CHERP: variants seen among roughly 807,000 people sequenced by gnomAD.
The protein encoded by CHERP is ERPROT 213-21.
CHERP carries 8 observed loss-of-function variants against 113.8 expected under a neutral mutation model. That is an observed-to-expected ratio of 0.07 (90% CI 0.04 to 0.13). The LOEUF (loss-of-function observed/expected upper bound fraction) is 0.13. Ranked by LOEUF, CHERP falls within the 10% of genes least tolerant of loss-of-function variation. CHERP has a pLI of 1.00. For synonymous variants in CHERP, 559 were observed against 524.5 expected (o/e 1.07, Z -0.90); for missense variants, 884 against 1,298.2 (o/e 0.68, Z 4.90).
At chr19:16,540,716 G>C (rs1405791550) in intron 2 of CHERP, among the ~76,000 whole-genome samples, 1 of 120,570 alleles carries the variant, frequency 8.3e-6, no homozygotes, top group Non-Finnish European at 1.7e-5. Flanking sequence ...TTTTTTTTTT[G>C]AGATGGAGTC....
At chr19:16,542,245 C>T (rs1209140101) in intron 1 of CHERP, 109 bp downstream of exon 1, 28 of 1,152,836 alleles carry the variant, frequency 2.4e-5, no homozygotes, top group Admixed American at 3.9e-5. Context: ...GGCGAAGCCG[C>T]GAGGCCGAGC....
chr19:16,525,643 C>T lies in CHERP; in HGVS notation c.1340G>A (p.Gly447Asp). 1 of 1,526,038 alleles carries T rather than the reference C, an allele frequency of 6.6e-7. No homozygotes were observed. 94.5% of individuals were successfully genotyped at this position (1,526,038 alleles called of 1,614,324 possible). A position where few individuals can be genotyped will look rare whatever the true frequency, so the allele number is the denominator to read the frequency against. ...CCAGGGGGGGCAGTGGGGTGGGCCG[C>T]CCTGGTGGTGCGGGTAGGGTGGCTG... ...PEQPPYPHHQGGPPHCPPWNN... is the reference protein window; with the variant it reads ...PEQPPYPHHQDGPPHCPPWNN... The change falls in exon 10 of 17, where the codon GGC (glycine) becomes GAC (aspartate). Residue 447 changes from glycine to aspartate, a missense_variant. This residue lies in a region of CHERP where 464 missense variants were observed against 590.1 expected (regional missense o/e 0.79). Coordinates refer to ENST00000546361, the MANE Select transcript of CHERP (RefSeq NM_006387.6). This position sits in a 1 kb window ranked among gnomAD's most constrained non-coding sequence, Gnocchi z 6.5.
In CHERP at chr19:16,533,282, C is replaced by CT. The variant is rs2085719589; in HGVS notation, c.385-135dup. The CT allele has an allele frequency of 1.1e-5, 9 of 806,860 alleles. No individual in the cohort carries two copies. In the South Asian group the frequency reaches 1.4e-4, roughly 13 times the overall value. The allele number at this position is 806,860 out of a possible 1,614,324, so 50.0% of individuals were successfully genotyped here. A position where few individuals can be genotyped will look rare whatever the true frequency, so the allele number is the denominator to read the frequency against. ...GACTCTGGGCTGCTCTGGCCATCAG[C>CT]TCCCTTGCTTGTCCCCAGCAGGAGG... On this transcript the variant is annotated intron_variant, in intron 3 of 16. Transcript: ENST00000546361.
In CHERP at chr19:16,525,690, G is replaced by A; in HGVS notation, c.1306-13C>T. 1.3e-6 allele frequency: 2 copies of A among 1,500,088 alleles called. No individual in the cohort carries two copies. Among genetic ancestry groups the A allele is most frequent in the South Asian group, 1.3e-5 (1 of 78,980 alleles). The allele number at this position is 1,500,088 out of a possible 1,614,324, so 92.9% of individuals were successfully genotyped here. ...GCTGCTCTGGCGGCTGCAAGGGAAGGGACAGGCTTGAGCCCTGCGTGGTCT... is the reference window on the plus strand; with the variant it reads ...GCTGCTCTGGCGGCTGCAAGGGAAGAGACAGGCTTGAGCCCTGCGTGGTCT... On this transcript the variant is annotated splice_polypyrimidine_tract_variant and intron_variant, in intron 9 of 16. Transcript: ENST00000546361. This position sits in a 1 kb window ranked among gnomAD's most constrained non-coding sequence, Gnocchi z 6.5.
In CHERP at chr19:16,530,001, C is replaced by G. The variant is rs2085687915; in HGVS notation, c.877-101G>C. ...TGGAAAGCAGCAGAGCCTGGGGGAC[C>G]TGGGGCAGGTGGACAGGGAACCGTC... On this transcript the variant is annotated intron_variant, in intron 7 of 16. Coordinates refer to ENST00000546361, the MANE Select transcript of CHERP (RefSeq NM_006387.6). This position sits in a 1 kb window ranked among gnomAD's most constrained non-coding sequence, Gnocchi z 4.1. The G allele has an allele frequency of 6.9e-7, 1 of 1,458,930 alleles. No individual in the cohort carries two copies. The highest frequency in any genetic ancestry group is 9.2e-7 in the Non-Finnish European group (1 of 1,090,418). The allele number at this position is 1,458,930 out of a possible 1,614,324, so 90.4% of individuals were successfully genotyped here. A position where few individuals can be genotyped will look rare whatever the true frequency, so the allele number is the denominator to read the frequency against.
chr19:16,519,490 G>T lies in CHERP; in HGVS notation c.2557+131C>A. 3 of 1,254,944 alleles carry T rather than the reference G, an allele frequency of 2.4e-6. No homozygotes were observed. Among genetic ancestry groups the T allele is most frequent in the Non-Finnish European group, 3.4e-6 (3 of 875,276 alleles). The allele number at this position is 1,254,944 out of a possible 1,614,324, so 77.7% of individuals were successfully genotyped here. ...CCCGCAGGCCGGCCCTGTCTAGAGG[G>T]TCTGGGTGGAGTCAGAACCGGCCTG... On this transcript the variant is annotated intron_variant, in intron 16 of 16. Transcript: ENST00000546361. The surrounding 1 kb of genome is among the most constrained non-coding windows in gnomAD (Gnocchi z 6.0).
Position 16,523,338 on chromosome 19 carries a change from C to T in CHERP, c.1742-48G>A. The T allele has an allele frequency of 1.3e-6, 2 of 1,596,452 alleles. No individual in the cohort carries two copies. The highest frequency in any genetic ancestry group is 1.7e-6 in the Non-Finnish European group (2 of 1,173,784). ...AGGACCACAGGCCAGTCAGGATCTC[C>T]CAGGCGACAAGTGCTGGAGGGGAGG... On this transcript the variant is annotated intron_variant, in intron 10 of 16. Transcript: ENST00000546361. This position sits in a 1 kb window ranked among gnomAD's most constrained non-coding sequence, Gnocchi z 4.0.
Position 16,532,520 on chromosome 19 carries a change from C to A in CHERP, c.674+78G>T, listed in dbSNP as rs753956845. On this transcript the variant is annotated intron_variant, in intron 5 of 16. Transcript: ENST00000546361. The surrounding 1 kb of genome is among the most constrained non-coding windows in gnomAD (Gnocchi z 4.4). ...GGACAGGCCAAGCCAAGCTACCGAC[C>A]GGAGCAAGCGGCCACCCAGGAGGGT... 2 of 1,457,860 alleles carry A rather than the reference C, an allele frequency of 1.4e-6. No individual in the cohort carries two copies. Among genetic ancestry groups the A allele is most frequent in the Admixed American group, 2.3e-5 (1 of 43,694 alleles). The allele number at this position is 1,457,860 out of a possible 1,614,324, so 90.3% of individuals were successfully genotyped here. A position where few individuals can be genotyped will look rare whatever the true frequency, so the allele number is the denominator to read the frequency against.
rs770471936 is a variant in CHERP, at chr19:16,529,752, A to AGCTGCTGCTGCTGCTGTTGCT, written c.1004_1024dup (p.Gln335_Gln341dup). The AGCTGCTGCTGCTGCTGTTGCT allele has an allele frequency of 5.0e-6, 8 of 1,611,590 alleles. No individual in the cohort carries two copies. The highest frequency in any genetic ancestry group is 1.3e-5 in the African/African-American group (1 of 74,828). On this transcript the variant is annotated inframe_insertion, in exon 8 of 17. Coordinates refer to ENST00000546361, the MANE Select transcript of CHERP (RefSeq NM_006387.6). Reference sequence around the variant, plus strand: ...TTCAGCCTCCATCTGCGGCATCTGGAGCTGCTGCTGCTGCTGTTGCTGCTG... The same window carrying AGCTGCTGCTGCTGCTGTTGCT: ...TTCAGCCTCCATCTGCGGCATCTGGAGCTGCTGCTGCTGCTGTTGCTGCTGCTGCTGCTGCTGTTGCTGCTG...
In CHERP at chr19:16,532,481, G is replaced by GC; in HGVS notation, c.674+116dup. Reference sequence around the variant, plus strand: ...CCCCACCCGGGGTCCCCGGACAAGTGCCCCCTAGTCTCGGGACAGGCCAAG... The same window carrying GC: ...CCCCACCCGGGGTCCCCGGACAAGTGCCCCCCTAGTCTCGGGACAGGCCAAG... On this transcript the variant is annotated intron_variant, in intron 5 of 16. Coordinates refer to ENST00000546361, the MANE Select transcript of CHERP (RefSeq NM_006387.6). The surrounding 1 kb of genome is among the most constrained non-coding windows in gnomAD (Gnocchi z 4.4). 7.8e-7 allele frequency: 1 copy of GC among 1,289,922 alleles called. No individual in the cohort carries two copies. Among genetic ancestry groups the GC allele is most frequent in the Non-Finnish European group, 1.0e-6 (1 of 967,074 alleles). 79.9% of individuals were successfully genotyped at this position (1,289,922 alleles called of 1,614,324 possible). A position where few individuals can be genotyped will look rare whatever the true frequency, so the allele number is the denominator to read the frequency against.
intron 8 of CHERP, among the ~76,000 whole-genome samples, chr19:16,529,292 A>G (rs1474015805): frequency 6.6e-6 from 1 of 152,230 alleles, no homozygotes; most frequent in East Asian, 1.9e-4. Flanking sequence ...TGCTGGGATT[A>G]CAAGCGTAAG....
chr19:16,525,581 C>T lies in CHERP; in HGVS notation c.1402G>A (p.Gly468Ser), dbSNP rs2085652146. ...SHEGMWGEQRGDPGWNGQRDA... is the reference protein window; with the variant it reads ...SHEGMWGEQRSDPGWNGQRDA... ...CGCTGGCCGTTCCAGCCGGGGTCAC[C>T]GCGCTGCTCGCCCCACATGCCCTCA... Residue 468 changes from glycine to serine, a missense_variant, in exon 10 of 17, where the codon GGT becomes AGT. Physicochemically the swap from Gly to Ser is moderately conservative, Grantham distance 56. Around this residue, in one of 8 missense-constraint regions of CHERP, gnomAD observed 464 missense variants for 590.1 expected, o/e 0.79. Coordinates refer to ENST00000546361, the MANE Select transcript of CHERP (RefSeq NM_006387.6). This position sits in a 1 kb window ranked among gnomAD's most constrained non-coding sequence, Gnocchi z 6.5. 6.5e-7 allele frequency: 1 copy of T among 1,538,664 alleles called. No individual in the cohort carries two copies. The highest frequency in any genetic ancestry group is 8.7e-7 in the Non-Finnish European group (1 of 1,145,440).
chr19:16,519,303 G>T lies in CHERP; in HGVS notation c.2607C>A (p.Asp869Glu), dbSNP rs550333603. The change falls in exon 17 of 17, where the codon GAC becomes GAA. Residue 869 changes from aspartate to glutamate, a missense_variant. By Grantham distance (45) the Asp-to-Glu change is conservative. Transcript: ENST00000546361. This position sits in a 1 kb window ranked among gnomAD's most constrained non-coding sequence, Gnocchi z 6.0. ...GLGAKEQGIQ[D>E]PIKGGDVRDK... ...CCCGGACGTCCCCGCCCTTGATGGG[G>T]TCCTGGATCCCTTGCTCCTTCGCAC... 6.2e-7 allele frequency: 1 copy of T among 1,613,844 alleles called. No individual in the cohort carries two copies. Among genetic ancestry groups the T allele is most frequent in the South Asian group, 1.1e-5 (1 of 91,078 alleles).
intron 2 of CHERP, 76 bp downstream of exon 2, chr19:16,541,794 T>A: frequency 6.9e-7 from 1 of 1,453,634 alleles, no homozygotes; most frequent in Non-Finnish European, 9.4e-7. Flanking sequence ...AAGAAAGAGG[T>A]TTGTGGCAGA....
intron 2 of CHERP, among the ~76,000 whole-genome samples, chr19:16,540,366 C>T (rs2085770299): frequency 6.6e-6 from 1 of 151,306 alleles, no homozygotes; most frequent in Non-Finnish European, 1.5e-5. Flanking sequence ...TGGGCCTGGC[C>T]TCCTTTCAAG....
chr19:16,527,514 T>G (rs2085664617), intron 9 of CHERP, among the ~76,000 whole-genome samples: 1 of 152,312 alleles, frequency 6.6e-6, no homozygotes, highest in Admixed American at 6.5e-5. Flanking sequence ...AGTCACGCCC[T>G]GGAAGACCCG....
At chr19:16,539,145 G>GT (rs2085760034) in intron 2 of CHERP, among the ~76,000 whole-genome samples, 1 of 148,410 alleles carries the variant, frequency 6.7e-6, no homozygotes, top group African/African-American at 2.5e-5. Context: ...CTTTAGAAAC[G>GT]GTTTTTTTTT....
In CHERP at chr19:16,529,664, C is replaced by T. The variant is rs762650242; in HGVS notation, c.1113G>A (p.Pro371=). The T allele has an allele frequency of 3.3e-5, 51 of 1,547,046 alleles. No homozygotes were observed. The highest frequency in any genetic ancestry group is 3.9e-5 in the Admixed American group (2 of 51,360). ...GCCCCGTACCAGGCTGGGTGGTGGGCGGGATGGCAGGGGCAGGTGCTGGGG... is the reference window on the plus strand; with the variant it reads ...GCCCCGTACCAGGCTGGGTGGTGGGTGGGATGGCAGGGGCAGGTGCTGGGG... The part of the protein sequence containing the change: ...PPAPAPAPAI[P]PTTQPDDSKP... The change falls in exon 8 of 17, where the codon CCG becomes CCA. Residue 371 remains proline (P), a synonymous_variant. Transcript: ENST00000546361.
intron 2 of CHERP, among the ~76,000 whole-genome samples, chr19:16,538,459 C>T (rs895813455): frequency 1.3e-5 from 2 of 152,176 alleles, no homozygotes; most frequent in Admixed American, 6.5e-5. Context: ...CCAAGGTGGG[C>T]GGATCATGAG....
Sources: gnomAD v4.1 joint callset for allele counts (sites outside exome capture counted in the v4.1 genomes callset) on GRCh38, gnomAD v4.1.1 for gene constraint, gnomAD v4.1.1 regional missense constraint, Gnocchi (gnomAD v3.1) non-coding constraint, MANE v1.5 for transcripts, NCBI Gene and HGNC (gene_info 2026-07-23, HGNC 2026-07-21) for gene names.